The following PFKL variants were observed in gnomAD, a reference collection of about 807,000 sequenced individuals.
PFKL encodes the protein ATP-dependent 6-phosphofructokinase, liver type.
PFKL carries 74 observed loss-of-function variants against 92.1 expected under a neutral mutation model. The ratio of observed to expected loss-of-function variants is 0.80; its 90% confidence interval spans 0.67 to 0.97. The LOEUF (loss-of-function observed/expected upper bound fraction) is 0.97, where lower values mean the gene tolerates loss of function less well. PFKL is among the 50% of genes least tolerant of loss of function. PFKL has a pLI of 0.00. For missense variants in PFKL, 1,028 were observed against 1,116.6 expected (o/e 0.92, Z 1.13); for synonymous variants, 494 against 456.4 (o/e 1.08, Z -1.05).
At position 44,318,458 on chromosome 21, in the gene PFKL, C is replaced by G. The variant is rs974379242; in HGVS notation, c.937-12C>G. 21 of 1,510,186 alleles carry G rather than the reference C, an allele frequency of 1.4e-5. No individual in the cohort carries two copies. Among genetic ancestry groups the G allele is most frequent in the Non-Finnish European group, 4.5e-6 (5 of 1,118,900 alleles). The allele number at this position is 1,510,186 out of a possible 1,614,324, so 93.5% of individuals were successfully genotyped here. ...ACCAAGTGGGTGTGCCAGCCTGAAC[C>G]CTTCCCCACAGAGCAGCAAGATGGG... On this transcript the variant is annotated splice_polypyrimidine_tract_variant and intron_variant, in intron 9 of 21. Transcript: ENST00000349048.
At chr21:44,319,980 G>T in intron 11 of PFKL, 104 bp from the exon 12 acceptor site, 1 of 988,706 alleles carries the variant, frequency 1.0e-6, no homozygotes. Flanking sequence ...CTTCCATCGG[G>T]CCGTGTGCCT....
Position 44,326,214 on chromosome 21 carries a change from G to C in PFKL, c.2145G>C (p.Lys715Asn). 2 of 1,613,122 alleles carry C rather than the reference G, an allele frequency of 1.2e-6. No individual in the cohort carries two copies. Among genetic ancestry groups the C allele is most frequent in the East Asian group, 2.2e-5 (1 of 44,866 alleles). The change falls in exon 21 of 22, where the codon AAG (lysine) becomes AAC (asparagine). Residue 715 changes from lysine (K) to asparagine (N), a missense_variant. Transcript: ENST00000349048. ...CCTGCGTGATCGGCCTGAAGAAGAA[G>C]GCGGTGGCCTTCAGCCCCGTCACTG... ...DSACVIGLKKKAVAFSPVTEL... is the reference protein window; with the variant it reads ...DSACVIGLKKNAVAFSPVTEL...
At chr21:44,323,687 G>T in intron 15 of PFKL, 79 bp from the exon 16 acceptor site, 1 of 1,467,524 alleles carries the variant, frequency 6.8e-7, no homozygotes, top group Non-Finnish European at 9.2e-7. Flanking sequence ...GCAGGGCTGG[G>T]CGGCCGCCGG....
intron 1 of PFKL, chr21:44,305,405 G>T (rs1437829218): frequency 1.5e-6 from 2 of 1,362,826 alleles, no homozygotes; most frequent in Non-Finnish European, 9.8e-7. Flanking sequence ...GCTTGAGCAG[G>T]AGCCCCCAGC....
intron 11 of PFKL, 137 bp downstream of exon 11, chr21:44,319,552 G>T (rs897913451): frequency 3.9e-6 from 3 of 759,574 alleles, no homozygotes; most frequent in African/African-American, 3.4e-5. Context: ...AGGGAGGAAG[G>T]GGCCTGCGGG....
Position 44,327,217 on chromosome 21 carries a change from T to A in PFKL, c.*355T>A. 1 of 303,354 alleles carries A rather than the reference T, an allele frequency of 3.3e-6. No homozygotes were observed. The allele number at this position is 303,354 out of a possible 1,614,324, so 18.8% of individuals were successfully genotyped here. Reference sequence around the variant, plus strand: ...GCTCACTACATGGGCCAGCCCTTGCTCTACCTGGCCGGTAGGCTGCTGGCG... The same window carrying A: ...GCTCACTACATGGGCCAGCCCTTGCACTACCTGGCCGGTAGGCTGCTGGCG... On this transcript the variant is annotated 3_prime_UTR_variant, in exon 22 of 22. Coordinates refer to ENST00000349048, the MANE Select transcript of PFKL (RefSeq NM_002626.6).
intron 1 of PFKL, chr21:44,305,848 T>C (rs1353403572): frequency 2.2e-6 from 3 of 1,366,494 alleles, no homozygotes; most frequent in Non-Finnish European, 2.9e-6. Flanking sequence ...TTTCTTTCAC[T>C]GCAGTCCTGG....
At chr21:44,316,116 TG>T in intron 7 of PFKL, 127 bp from the exon 8 acceptor site, 1 of 791,640 alleles carries the variant, frequency 1.3e-6, no homozygotes, top group Non-Finnish European at 2.1e-6. Flanking sequence ...TCCTGCTGGG[TG>T]GGGATTGTGC....
chr21:44,304,440 C>A, intron 1 of PFKL: 1 of 1,215,498 alleles, frequency 8.2e-7, no homozygotes, highest in Non-Finnish European at 1.0e-6. Flanking sequence ...CCTGCCTCAG[C>A]TGCTGCCTGC....
intron 10 of PFKL, 114 bp downstream of exon 10, chr21:44,318,709 T>G: frequency 2.1e-6 from 2 of 948,820 alleles, no homozygotes. Flanking sequence ...GGGCAGGGCC[T>G]CGTGGCTGGC....
intron 1 of PFKL, among the ~76,000 whole-genome samples, chr21:44,302,041 C>T (rs1247672101): frequency 6.6e-6 from 1 of 152,208 alleles, no homozygotes. Flanking sequence ...CCCTCCTGGC[C>T]CTGTGGACAG....
intron 19 of PFKL, 33 bp from the exon 20 acceptor site, chr21:44,325,928 G>A (rs1412166962): frequency 1.9e-6 from 3 of 1,553,612 alleles, no homozygotes; most frequent in African/African-American, 1.4e-5. Flanking sequence ...CAGCCCAGGG[G>A]AGTCCAGGGA....
At chr21:44,322,900 A>C (rs1203162801) in intron 14 of PFKL, 62 bp from the exon 15 acceptor site, 1 of 1,231,094 alleles carries the variant, frequency 8.1e-7, no homozygotes, top group Non-Finnish European at 1.2e-6. Flanking sequence ...CTGTGATCAG[A>C]TGCAATCTGG....
intron 7 of PFKL, chr21:44,315,445 C>T (rs1048331931): frequency 6.6e-6 from 1 of 152,578 alleles, no homozygotes; most frequent in Non-Finnish European, 1.5e-5. Flanking sequence ...CTCACCTGCA[C>T]TGGCGCCACC....
At position 44,312,235 on chromosome 21, in the gene PFKL, C is replaced by T; in HGVS notation, c.368C>T (p.Thr123Ile). ...GTCATCGGCGGGGATGGCAGCCTCA[C>T]AGGTGCCAACATCTTCCGCAGCGAG... ...LCVIGGDGSL[T>I]GANIFRSEWG... The change falls in exon 4 of 22, where the codon ACA (threonine) becomes ATA (isoleucine). Residue 123 changes from threonine (T) to isoleucine (I), a missense_variant. Physicochemically the swap from Thr to Ile is moderately conservative, Grantham distance 89 (BLOSUM62 -1). Coordinates refer to ENST00000349048, the MANE Select transcript of PFKL (RefSeq NM_002626.6). 7.5e-6 allele frequency: 12 copies of T among 1,600,284 alleles called. No individual in the cohort carries two copies. Among genetic ancestry groups the T allele is most frequent in the Non-Finnish European group, 1.0e-5 (12 of 1,174,038 alleles).
intron 14 of PFKL, 112 bp downstream of exon 14, chr21:44,322,315 T>A: frequency 1.0e-6 from 1 of 978,066 alleles, no homozygotes; most frequent in East Asian, 2.5e-5. Context: ...GCTCGGCCCC[T>A]CTTCCTGCTG....
intron 4 of PFKL, among the ~76,000 whole-genome samples, chr21:44,312,753 C>T (rs1350617462): frequency 5.9e-5 from 9 of 152,188 alleles, no homozygotes; most frequent in Admixed American, 2.0e-4. Context: ...AGGCCTTGGC[C>T]GCTCTGCAAG....
At position 44,316,311 on chromosome 21, in the gene PFKL, A is replaced by G. The variant is rs149355255; in HGVS notation, c.815A>G (p.Lys272Arg). 1 of 1,613,168 alleles carries G rather than the reference A, an allele frequency of 6.2e-7. No individual in the cohort carries two copies. Among genetic ancestry groups the G allele is most frequent in the African/African-American group, 1.3e-5 (1 of 74,920 alleles). Reference sequence around the variant, plus strand: ...GAGGGTGCCATTGACCGCAACGGGAAGCCCATCTCGTCCAGCTACGTGAAG... The same window carrying G: ...GAGGGTGCCATTGACCGCAACGGGAGGCCCATCTCGTCCAGCTACGTGAAG... ...IAEGAIDRNG[K>R]PISSSYVKDL... The change falls in exon 8 of 22, where the codon AAG becomes AGG. Residue 272 changes from lysine to arginine, a missense_variant. Physicochemically the swap from Lys to Arg is conservative, Grantham distance 26. Transcript: ENST00000349048.
chr21:44,305,751 G>A lies in PFKL; in HGVS notation c.86-930G>A, dbSNP rs745703093. On this transcript the variant is annotated intron_variant, in intron 1 of 21. Coordinates refer to ENST00000349048, the MANE Select transcript of PFKL (RefSeq NM_002626.6). ...CGGGAAGAAGGTGTGGGGTACATTA[G>A]CACCAGCGTTTCCTGAGTGCCGCCT... 9 of 1,359,134 alleles carry A rather than the reference G, an allele frequency of 6.6e-6. No individual in the cohort carries two copies. In the East Asian group the frequency reaches 4.1e-4, roughly 62 times the overall value. The allele number at this position is 1,359,134 out of a possible 1,614,324, so 84.2% of individuals were successfully genotyped here.
Sources: gnomAD v4.1 joint callset for allele counts (sites outside exome capture counted in the v4.1 genomes callset) on GRCh38, gnomAD v4.1.1 for gene constraint, MANE v1.5 for transcripts, NCBI Gene and HGNC (gene_info 2026-07-23, HGNC 2026-07-21) for gene names.